The following ABI1 variants were observed in gnomAD, a reference collection of about 807,000 sequenced individuals.
ABI1 encodes abl interactor 1.
Under a neutral mutation model 54.6 loss-of-function variants are expected in ABI1, and 14 were observed. That is an observed-to-expected ratio of 0.26 (90% CI 0.17 to 0.40). The LOEUF (loss-of-function observed/expected upper bound fraction) is 0.40. Ranked by LOEUF, ABI1 falls within the 10% of genes least tolerant of loss-of-function variation. ABI1 has a pLI of 1.00. For missense variants in ABI1, 443 were observed against 598.3 expected (o/e 0.74, Z 2.71); for synonymous variants, 194 against 209.3 (o/e 0.93, Z 0.63).
intron 2 of ABI1, among the ~76,000 whole-genome samples, chr10:26,817,800 T>C (rs186061040): frequency 2.6e-5 from 4 of 152,076 alleles, no homozygotes; most frequent in Admixed American, 1.3e-4. Context: ...ACCAGCAGAA[T>C]AGAGCAACAC....
At chr10:26,771,989 CT>C (rs1266534338) in intron 3 of ABI1, among the ~76,000 whole-genome samples, 846 of 142,230 alleles carry the variant, frequency 5.9e-3, no homozygotes, top group African/African-American at 0.011. Context: ...GGGCTTCAAG[CT>C]TTTTTTTTTT....
chr10:26,843,470 AAAAAAAAAAAAAAAAATATATAT>A (rs1448526539), intron 1 of ABI1, among the ~76,000 whole-genome samples: 9 of 72,980 alleles, frequency 1.2e-4, no homozygotes, highest in East Asian at 4.2e-4. Flanking sequence ...AAAAAAAAAA[AAAAAAAAAAAAAAAAATATATAT>A]ATATATATAT....
At chr10:26,749,383 G>A (rs1157840138) in intron 10 of ABI1, among the ~76,000 whole-genome samples, 1 of 152,208 alleles carries the variant, frequency 6.6e-6, no homozygotes, top group Non-Finnish European at 1.5e-5. Context: ...TTGGATTTGG[G>A]ATTTTCAGAT....
intron 2 of ABI1, among the ~76,000 whole-genome samples, chr10:26,778,576 C>G (rs1344509257): frequency 6.6e-6 from 1 of 151,460 alleles, no homozygotes; most frequent in Non-Finnish European, 1.5e-5. Context: ...ATGATTCTAT[C>G]TTATTTCATC....
Position 26,823,144 on chromosome 10 carries a change from G to A in ABI1, c.279C>T (p.Ile93=), listed in dbSNP as rs1252726285. The change falls in exon 2 of 11, where the codon ATC becomes ATT. Residue 93 remains isoleucine, a synonymous_variant. Transcript: ENST00000376140. The stretch of plus-strand genomic sequence containing the variant: ...GCATTTTATAAGCTGTTACCTGTGA[G>A]ATATGATTGATGGAAGACTCCATTC... ...LRRMESSINH[I]SQTVDIHKEK... 6.3e-7 allele frequency: 1 copy of A among 1,595,692 alleles called. No homozygotes were observed. The highest frequency in any genetic ancestry group is 1.4e-5 in the African/African-American group (1 of 73,704).
chr10:26,765,070 ATTG>A, intron 7 of ABI1, 145 bp downstream of exon 7: 3 of 610,336 alleles, frequency 4.9e-6, no homozygotes, highest in Non-Finnish European at 5.5e-6. Flanking sequence ...ATCTAAAAAT[ATTG>A]TTAACTTTGT....
rs375525589 is a variant in ABI1 at position 26,858,454 on chromosome 10, C to CT, written c.117+2292dup. Among the ~76,000 whole-genome samples, 505 of 118,136 alleles carry CT rather than the reference C, an allele frequency of 4.3e-3. 4 individuals carry two copies. The highest frequency in any genetic ancestry group is 0.011 in the African/African-American group (358 of 32,318). 77.5% of individuals were successfully genotyped at this position (118,136 alleles called of 152,430 possible). ...AGATAATCATTGCTTTGCGTGAATT[C>CT]TTTTTTTTTTTTTCCAATATGAACA... On this transcript the variant is annotated intron_variant, in intron 1 of 10. Transcript: ENST00000376140.
intron 2 of ABI1, among the ~76,000 whole-genome samples, chr10:26,793,612 A>G (rs1303385489): frequency 1.3e-5 from 2 of 152,210 alleles, no homozygotes; most frequent in Non-Finnish European, 2.9e-5. Context: ...GCTTAATTAT[A>G]TAAGACAAAC....
rs539016976 is a variant in ABI1, at chr10:26,806,980, G to A, written c.285+16158C>T. Among the ~76,000 whole-genome samples the A allele has an allele frequency of 3.3e-5, 5 of 152,182 alleles. No homozygotes were observed. In the South Asian group the frequency reaches 1.0e-3, roughly 32 times the overall value. On this transcript the variant is annotated intron_variant, in intron 2 of 10. Coordinates refer to ENST00000376140, the MANE Select transcript of ABI1 (RefSeq NM_001012750.3). ...TGTAATTGCAAGTTTTATCTCAATT[G>A]ATTATCTTTTTTTCTTGAATATTGG...
At position 26,746,883 on chromosome 10, in the gene ABI1, T is replaced by G; in HGVS notation, c.*1687A>C. On this transcript the variant is annotated 3_prime_UTR_variant, in exon 11 of 11. Transcript: ENST00000376140. ...GTCCACATGAGTTATATTTTAACAG[T>G]ATCCAAAATTTCATATAGGAGAATG... 6.6e-6 allele frequency: 2 copies of G among 302,966 alleles called. No individual in the cohort carries two copies. Among genetic ancestry groups the G allele is most frequent in the Non-Finnish European group, 6.3e-6 (1 of 159,318 alleles). The allele number at this position is 302,966 out of a possible 1,614,324, so 18.8% of individuals were successfully genotyped here. A position where few individuals can be genotyped will look rare whatever the true frequency, so the allele number is the denominator to read the frequency against.
chr10:26,768,338 G>A (rs1840216119), intron 6 of ABI1, among the ~76,000 whole-genome samples: 1 of 151,688 alleles, frequency 6.6e-6, no homozygotes, highest in African/African-American at 2.4e-5. Context: ...CTGAGGTTGG[G>A]AGTTGGAAAC....
chr10:26,803,383 G>A (rs1340556070), intron 2 of ABI1, among the ~76,000 whole-genome samples: 1 of 152,106 alleles, frequency 6.6e-6, no homozygotes, highest in Non-Finnish European at 1.5e-5. Context: ...AAAGTAACAG[G>A]TACAGGGATT....
chr10:26,814,162 G>A (rs1293933278), intron 2 of ABI1, among the ~76,000 whole-genome samples: 1 of 152,120 alleles, frequency 6.6e-6, no homozygotes, highest in Non-Finnish European at 1.5e-5. Context: ...GACTGGATGG[G>A]GCAATTCATC....
In ABI1 at chr10:26,755,681, C is replaced by G. The variant is rs1172769563; in HGVS notation, c.1058G>C (p.Gly353Ala). Reference protein sequence around the residue: ...PQLTPQIPLTGFVARVQENIA... With the variant: ...PQLTPQIPLTAFVARVQENIA... ...GTTTTCCTGCACCCTGGCCACGAAG[C>G]CTGTGAGAGGTATCTGTGGAGTCAA... Residue 353 changes from glycine to alanine, a missense_variant, in exon 9 of 11, where the codon GGC becomes GCC. Gly to Ala is a moderately conservative substitution (Grantham distance 60). Transcript: ENST00000376140. The G allele has an allele frequency of 2.5e-6, 4 of 1,613,264 alleles. No homozygotes were observed. In the African/African-American group the frequency reaches 4.0e-5, roughly 16 times the overall value.
intron 2 of ABI1, among the ~76,000 whole-genome samples, chr10:26,781,761 A>C (rs1231407023): frequency 6.6e-6 from 1 of 152,218 alleles, no homozygotes; most frequent in African/African-American, 2.4e-5. Flanking sequence ...GTTGCTGATC[A>C]AACCATCTGG....
intron 1 of ABI1, among the ~76,000 whole-genome samples, chr10:26,850,904 T>G (rs1428998732): frequency 6.6e-6 from 1 of 152,020 alleles, no homozygotes; most frequent in Non-Finnish European, 1.5e-5. Flanking sequence ...AGGTGAGATG[T>G]GTAGAAAAGA....
chr10:26,819,808 T>G (rs1322064701), intron 2 of ABI1, among the ~76,000 whole-genome samples: 2 of 152,196 alleles, frequency 1.3e-5, no homozygotes, highest in Non-Finnish European at 2.9e-5. Context: ...TACATATACA[T>G]TTATTTAAAC....
At chr10:26,836,257 C>A (rs575366451) in intron 1 of ABI1, among the ~76,000 whole-genome samples, 3 of 152,148 alleles carry the variant, frequency 2.0e-5, no homozygotes, top group South Asian at 4.1e-4. Flanking sequence ...GGACTACAGG[C>A]GTGCGCCACC....
Position 26,860,958 on chromosome 10 carries a change from C to A in ABI1, c.-95G>T. ...AGCACCTCACAGCCCGGATACAAAC[C>A]GCCTACCCGCCCTCCCGCCTGGTAT... On this transcript the variant is annotated 5_prime_UTR_variant, in exon 1 of 11. Transcript: ENST00000376140. The surrounding 1 kb of genome is among the most constrained non-coding windows in gnomAD (Gnocchi z 4.1). 3.7e-6 allele frequency: 4 copies of A among 1,067,798 alleles called. No homozygotes were observed. In the South Asian group the frequency reaches 3.8e-5, roughly 10 times the overall value. 66.1% of individuals were successfully genotyped at this position (1,067,798 alleles called of 1,614,324 possible). A position where few individuals can be genotyped will look rare whatever the true frequency, so the allele number is the denominator to read the frequency against.
Sources: allele counts gnomAD v4.1 joint callset (sites outside exome capture counted in the v4.1 genomes callset), GRCh38; gene constraint gnomAD v4.1.1; non-coding constraint Gnocchi (gnomAD v3.1); transcripts MANE v1.5; gene names NCBI Gene and HGNC (gene_info 2026-07-23, HGNC 2026-07-21).